PLPPR1: variants seen among roughly 807,000 people sequenced by gnomAD.
PLPPR1 encodes the protein phospholipid phosphatase-related protein type 1.
Under a neutral mutation model 33.1 loss-of-function variants are expected in PLPPR1, and 10 were observed. The ratio of observed to expected loss-of-function variants is 0.30; its 90% CI spans 0.19 to 0.51. The LOEUF (loss-of-function observed/expected upper bound fraction) is 0.51. Ranked by LOEUF, PLPPR1 falls within the 20% of genes least tolerant of loss-of-function variation. PLPPR1 has a pLI of 0.97. For synonymous variants in PLPPR1, 151 were observed against 151.0 expected, an observed-to-expected ratio of 1.00 and a Z score of 0.00; for missense variants, 304 against 408.1, an observed-to-expected ratio of 0.74 and a Z score of 2.20.
At chr9:101,214,241 T>C (rs116182291) in intron 2 of PLPPR1, among the ~76,000 whole-genome samples, 3 of 152,220 alleles carry the variant, frequency 2.0e-5, no homozygotes, top group Non-Finnish European at 2.9e-5. Context: ...AAAATTACAA[T>C]TTGACCTGCT....
At chr9:101,088,361 C>A (rs1387122151) in intron 1 of PLPPR1, among the ~76,000 whole-genome samples, 4 of 151,930 alleles carry the variant, frequency 2.6e-5, no homozygotes, top group Non-Finnish European at 5.9e-5. Context: ...TCATGATGTA[C>A]ACCTTAAATG....
In PLPPR1 at chr9:101,191,775, C is replaced by G. The variant is rs372320660; in HGVS notation, c.63+6218C>G. Among the ~76,000 whole-genome samples the G allele has an allele frequency of 2.5e-4, 38 of 152,270 alleles. 1 individual carries two copies. The highest frequency in any genetic ancestry group is 8.9e-4 in the African/African-American group (37 of 41,542). Reference sequence around the variant, plus strand: ...CTCTATGAAACCATTAATAACTCAGCCAAGTCTCTTTTATATATATTTGTG... The same window carrying G: ...CTCTATGAAACCATTAATAACTCAGGCAAGTCTCTTTTATATATATTTGTG... On this transcript the variant is annotated intron_variant, in intron 2 of 7. Transcript: ENST00000374874.
At chr9:101,288,790 A>C (rs551007323) in intron 4 of PLPPR1, among the ~76,000 whole-genome samples, 1 of 152,204 alleles carries the variant, frequency 6.6e-6, no homozygotes. Flanking sequence ...ATTCTGATGC[A>C]TGGAAAGTTT....
At chr9:101,283,091 C>G (rs940349777) in intron 3 of PLPPR1, among the ~76,000 whole-genome samples, 11 of 152,250 alleles carry the variant, frequency 7.2e-5, no homozygotes, top group African/African-American at 2.4e-4. Flanking sequence ...CCAATCTCAG[C>G]CTTCCAAAGT....
intron 1 of PLPPR1, among the ~76,000 whole-genome samples, chr9:101,109,294 G>A (rs933291806): frequency 1.3e-5 from 2 of 151,730 alleles, no homozygotes; most frequent in Non-Finnish European, 2.9e-5. Context: ...ATTTTTGAAG[G>A]GTATAAAGGG....
At chr9:101,312,443 C>G (rs934999992) in intron 5 of PLPPR1, among the ~76,000 whole-genome samples, 1 of 152,192 alleles carries the variant, frequency 6.6e-6, no homozygotes, top group South Asian at 2.1e-4. Context: ...ATCTCAGACT[C>G]TCATATGGAT....
chr9:101,169,178 G>A (rs551288766), intron 1 of PLPPR1, among the ~76,000 whole-genome samples: 9 of 152,218 alleles, frequency 5.9e-5, no homozygotes, highest in South Asian at 2.1e-4. Context: ...CTTTTGGGGT[G>A]TGTGTGTCTG....
chr9:101,191,580 A>G (rs577809711), intron 2 of PLPPR1, among the ~76,000 whole-genome samples: 12 of 152,178 alleles, frequency 7.9e-5, no homozygotes, highest in Admixed American at 1.3e-4. Flanking sequence ...ACACATTCTA[A>G]TTGGTGAGTG....
intron 1 of PLPPR1, among the ~76,000 whole-genome samples, chr9:101,177,018 T>C (rs1826028562): frequency 6.6e-6 from 1 of 152,214 alleles, no homozygotes; most frequent in Non-Finnish European, 1.5e-5. Flanking sequence ...TTTTAATTAC[T>C]GTAACTTTGT....
rs966185281 is a variant in PLPPR1, at chr9:101,319,583, G to C, written c.945+2087G>C. ...TTGTTTTCCCTTAATTTGTATTAAG[G>C]CTAACATTTTAACTTGGTCTAGAAA... On this transcript the variant is annotated intron_variant, in intron 7 of 7. Transcript: ENST00000374874. Among the ~76,000 whole-genome samples, 23 of 151,920 alleles carry C rather than the reference G, an allele frequency of 1.5e-4. 1 individual carries two copies. The highest frequency in any genetic ancestry group is 1.3e-3 in the Admixed American group (20 of 15,250).
At chr9:101,205,044 C>T (rs1261544477) in intron 2 of PLPPR1, among the ~76,000 whole-genome samples, 1 of 152,074 alleles carries the variant, frequency 6.6e-6, no homozygotes, top group African/African-American at 2.4e-5. Context: ...TTTTAAGTCC[C>T]TATTAGAAGA....
chr9:101,045,377 T>C (rs1830132102), intron 1 of PLPPR1, among the ~76,000 whole-genome samples: 1 of 152,168 alleles, frequency 6.6e-6, no homozygotes, highest in Non-Finnish European at 1.5e-5. Flanking sequence ...TATTAAATAT[T>C]TGTGGAATGG....
chr9:101,171,579 T>C (rs1457810572), intron 1 of PLPPR1, among the ~76,000 whole-genome samples: 1 of 152,128 alleles, frequency 6.6e-6, no homozygotes, highest in Admixed American at 6.6e-5. Context: ...GGTCTTCACA[T>C]TGTCCTTTAT....
At chr9:101,319,846 A>G (rs1829122120) in intron 7 of PLPPR1, among the ~76,000 whole-genome samples, 1 of 152,210 alleles carries the variant, frequency 6.6e-6, no homozygotes. Flanking sequence ...GCTGAGTTCC[A>G]TAGACATACC....
At position 101,270,056 on chromosome 9, in the gene PLPPR1, C is replaced by T. The variant is rs7847596; in HGVS notation, c.240C>T (p.Thr80=). 60,979 of 1,613,914 alleles carry T rather than the reference C, an allele frequency of 0.038. 1,372 individuals are homozygous for T. The highest frequency in any genetic ancestry group is 0.041 in the South Asian group (3,753 of 91,076). Residue 80 remains threonine (T), a synonymous_variant, in exon 3 of 8, where the codon ACC becomes ACT. Coordinates refer to ENST00000374874, the MANE Select transcript of PLPPR1 (RefSeq NM_207299.2). ...TGCTCTATTGTGTGCTGGCTGCCAC[C>T]CCAACTGCTATTGTAAGTACAGAAA... ...PLVLYCVLAA[T]PTAIIFIGEI...
chr9:101,197,206 CA>C (rs1197398727), intron 2 of PLPPR1, among the ~76,000 whole-genome samples: 3 of 152,158 alleles, frequency 2.0e-5, no homozygotes, highest in Admixed American at 6.5e-5. Context: ...TCTGTTTCCT[CA>C]AGCAAAGAAA....
intron 3 of PLPPR1, among the ~76,000 whole-genome samples, chr9:101,270,753 T>A (rs890226167): frequency 4.6e-5 from 7 of 152,220 alleles, no homozygotes; most frequent in Non-Finnish European, 2.9e-5. Context: ...TTAGACATTT[T>A]AATTTTTATT....
intron 1 of PLPPR1, among the ~76,000 whole-genome samples, chr9:101,114,218 A>G (rs563478337): frequency 6.6e-6 from 1 of 152,314 alleles, no homozygotes; most frequent in East Asian, 1.9e-4. Context: ...AACTGCTTTA[A>G]TGTATCATTT....
At chr9:101,062,808 T>TCATA (rs1830363047) in intron 1 of PLPPR1, among the ~76,000 whole-genome samples, 2 of 152,208 alleles carry the variant, frequency 1.3e-5, no homozygotes, top group South Asian at 4.2e-4. Flanking sequence ...GTGTAAGTGC[T>TCATA]TGTGTTGTCT....
Sources: allele counts gnomAD v4.1 joint callset (sites outside exome capture counted in the v4.1 genomes callset), GRCh38; gene constraint gnomAD v4.1.1; transcripts MANE v1.5; gene names NCBI Gene and HGNC (gene_info 2026-07-23, HGNC 2026-07-21).